TKTL1: variants seen among roughly 807,000 people sequenced by gnomAD.
TKTL1 encodes the protein transketolase like 1.
TKTL1 carries 1 observed loss-of-function variant against 39.3 expected under a neutral mutation model. That is an observed-to-expected ratio of 0.03 (90% CI 0.01 to 0.12). The LOEUF (loss-of-function observed/expected upper bound fraction) is 0.12, where lower values mean the gene tolerates loss of function less well. Among genes scored for constraint, TKTL1 ranks in the 10% least tolerant of loss-of-function variants. The pLI, the probability that TKTL1 is intolerant of heterozygous loss-of-function variation, is 1.00. For missense variants in TKTL1, 575 were observed against 509.6 expected, an observed-to-expected ratio of 1.13 and a Z score of -1.24; for synonymous variants, 262 against 193.8, an observed-to-expected ratio of 1.35 and a Z score of -2.92.
chrX:154,314,135 C>G (rs1267830459), intron 6 of TKTL1, among the ~76,000 whole-genome samples: 1 of 110,678 alleles, frequency 9.0e-6, no homozygotes, highest in Non-Finnish European at 1.9e-5. Flanking sequence ...CCCAAAGCAC[C>G]AGGCTCACCA....
chrX:154,308,800 C>T (rs1321863271), intron 2 of TKTL1, among the ~76,000 whole-genome samples: 1 of 109,807 alleles, frequency 9.1e-6, no homozygotes, highest in Non-Finnish European at 1.9e-5. Flanking sequence ...TCATTTCTAG[C>T]GTGGGCACTT....
Position 154,318,404 on chromosome X carries a change from A to G in TKTL1, c.1030-2353A>G, listed in dbSNP as rs782178828. Among the ~76,000 whole-genome samples the G allele has an allele frequency of 1.6e-4, 18 of 110,382 alleles. No homozygotes were observed. In the East Asian group the frequency reaches 4.8e-3, roughly 29 times the overall value. On this transcript the variant is annotated intron_variant, in intron 7 of 12. Transcript: ENST00000369915. ...GAAGCTGGAGGATTGCTGGAGTTCA[A>G]GAGTTCGAGACCAGGCCGGGTGCGG... is the stretch of plus-strand genomic sequence containing the variant.
In TKTL1 at chrX:154,311,253, T is replaced by C. The variant is rs781866803; in HGVS notation, c.670+15T>C. On this transcript the variant is annotated intron_variant, in intron 5 of 12. Transcript: ENST00000369915. Reference sequence around the variant, plus strand: ...GGGCACCCCAAGTAAGCAAGCACTTTCCTCCTGCTCCTGGTTGTTAAAAGC... The same window carrying C: ...GGGCACCCCAAGTAAGCAAGCACTTCCCTCCTGCTCCTGGTTGTTAAAAGC... 8.3e-7 allele frequency: 1 copy of C among 1,210,381 alleles called. No individual in the cohort carries two copies. The highest frequency in any genetic ancestry group is 2.2e-5 in the Admixed American group (1 of 46,006).
At chrX:154,323,024 G>A (rs1557171205) in intron 8 of TKTL1, among the ~76,000 whole-genome samples, 183 bp from the exon 9 acceptor site, 2 of 112,307 alleles carry the variant, frequency 1.8e-5, no homozygotes, top group Middle Eastern at 4.6e-3. Context: ...AAGGGAGACA[G>A]GCGTGCAAGA....
rs142851660 is a variant in TKTL1 at position 154,304,893 on chromosome X, C to T, written c.135-411C>T. On this transcript the variant is annotated intron_variant, in intron 1 of 12. Transcript: ENST00000369915. ...AGTTACTCTACCATGACAAATTTCT[C>T]AGTCTGTCACCGTTCACTTCCTAAA... The T allele has an allele frequency of 1.4e-3, 845 of 618,583 alleles. 8 individuals are homozygous for T. The African/African-American group carries it at 0.018, about 13-fold the overall frequency. 51.0% of individuals were successfully genotyped at this position (618,583 alleles called of 1,213,427 possible). A position where few individuals can be genotyped will look rare whatever the true frequency, so the allele number is the denominator to read the frequency against.
chrX:154,322,326 GT>G (rs781790785), intron 8 of TKTL1, among the ~76,000 whole-genome samples: 2 of 108,411 alleles, frequency 1.8e-5, no homozygotes, highest in Non-Finnish European at 3.8e-5. Flanking sequence ...GTGGTCAGGA[GT>G]TTGAGACCAG....
At chrX:154,326,407 A>G (rs1325611499) in intron 10 of TKTL1, among the ~76,000 whole-genome samples, 1 of 112,453 alleles carries the variant, frequency 8.9e-6, no homozygotes, top group African/African-American at 3.2e-5. Context: ...CTAGGCATAC[A>G]TGTATATTTT....
Position 154,327,220 on chromosome X carries a change from A to G in TKTL1, c.1402-371A>G, listed in dbSNP as rs782020480. ...GGTTGTGCCACTGAACAGATCTTAC[A>G]GGGAGGCTGTGAGGGTTCTCAGAGT... On this transcript the variant is annotated intron_variant, in intron 10 of 12. Coordinates refer to ENST00000369915, the MANE Select transcript of TKTL1 (RefSeq NM_012253.4). 6.7e-5 allele frequency: 23 copies of G among 341,759 alleles called. 1 individual carries two copies. Among genetic ancestry groups the G allele is most frequent in the South Asian group, 6.3e-4 (22 of 34,985 alleles). 28.2% of individuals were successfully genotyped at this position (341,759 alleles called of 1,213,427 possible).
At chrX:154,315,657 A>G (rs987482782) in intron 7 of TKTL1, among the ~76,000 whole-genome samples, 7 of 111,513 alleles carry the variant, frequency 6.3e-5, no homozygotes, top group Non-Finnish European at 1.9e-5. Flanking sequence ...CAGGCTCCCT[A>G]GTAGCTCCTT....
At position 154,329,862 on chromosome X, in the gene TKTL1, C is replaced by G. The variant is rs1445973330; in HGVS notation, c.*174C>G. On this transcript the variant is annotated 3_prime_UTR_variant, in exon 13 of 13. Transcript: ENST00000369915. ...TAACTACTTACCCTTTAAACTGTCA[C>G]TGCATATGCAAGTACCGCTCTAATT... is the stretch of plus-strand genomic sequence containing the variant. The G allele has an allele frequency of 3.3e-5, 16 of 482,321 alleles. No homozygotes were observed. Among genetic ancestry groups the G allele is most frequent in the African/African-American group, 4.8e-5 (2 of 41,411 alleles). 39.7% of individuals were successfully genotyped at this position (482,321 alleles called of 1,213,427 possible).
chrX:154,300,435 G>A (rs138153052), intron 1 of TKTL1, among the ~76,000 whole-genome samples: 1 of 112,294 alleles, frequency 8.9e-6, no homozygotes, highest in Admixed American at 9.4e-5. Flanking sequence ...TGTCATCTGT[G>A]ATGTCTTTCA....
At chrX:154,319,456 G>A (rs1557170146) in intron 7 of TKTL1, among the ~76,000 whole-genome samples, 1 of 111,915 alleles carries the variant, frequency 8.9e-6, no homozygotes, top group African/African-American at 3.3e-5. Flanking sequence ...GAGACAGTGG[G>A]AGACCCAGGG....
chrX:154,311,142 G>A lies in TKTL1; in HGVS notation c.574G>A (p.Val192Met), dbSNP rs1446527811. Residue 192 changes from valine to methionine, a missense_variant, in exon 5 of 13, where the codon GTG becomes ATG. By Grantham distance (21) the Val-to-Met change is conservative. Coordinates refer to ENST00000369915, the MANE Select transcript of TKTL1 (RefSeq NM_012253.4). Reference protein sequence around the residue: ...WNTYVVDGRDVEALCQVFWQA... With the variant: ...WNTYVVDGRDMEALCQVFWQA... ...CACTTATGTGGTGGACGGCCGGGAC[G>A]TGGAGGCACTGTGCCAGGTATTCTG... 4.1e-6 allele frequency: 5 copies of A among 1,210,540 alleles called. No homozygotes were observed. The highest frequency in any genetic ancestry group is 4.4e-5 in the Admixed American group (2 of 45,794).
intron 12 of TKTL1, among the ~76,000 whole-genome samples, 196 bp downstream of exon 12, chrX:154,328,154 C>G (rs781820334): frequency 2.7e-5 from 3 of 111,860 alleles, no homozygotes; most frequent in African/African-American, 9.7e-5. Context: ...TGCCCAGTCA[C>G]CAGGGCGGGT....
At chrX:154,299,437 G>A (rs1392384895) in intron 1 of TKTL1, among the ~76,000 whole-genome samples, 1 of 110,844 alleles carries the variant, frequency 9.0e-6, no homozygotes, top group African/African-American at 3.3e-5. Context: ...TTACAGGCAT[G>A]AGCCACCGCA....
chrX:154,319,437 T>C (rs782049154), intron 7 of TKTL1, among the ~76,000 whole-genome samples: 1 of 111,445 alleles, frequency 9.0e-6, no homozygotes, highest in Non-Finnish European at 1.9e-5. Flanking sequence ...TAGAAGGTGA[T>C]TGTTAAAAGA....
Position 154,295,971 on chromosome X carries a change from G to T in TKTL1, c.112G>T (p.Ala38Ser). The T allele has an allele frequency of 7.4e-6, 9 of 1,211,780 alleles. No homozygotes were observed. Among genetic ancestry groups the T allele is most frequent in the Non-Finnish European group, 1.0e-5 (9 of 895,399 alleles). The change falls in exon 1 of 13, where the codon GCC becomes TCC. Residue 38 changes from alanine to serine, a missense_variant. Transcript: ENST00000369915. ...CCGCTTGCGAATCCATTCCATCAGG[G>T]CCACATGCTCCACGAGCTCCGGGTA... ...ASRLRIHSIR[A>S]TCSTSSGHPT...
rs1557172952 is a variant in TKTL1 at position 154,330,196 on chromosome X, C to G, written c.*508C>G. On this transcript the variant is annotated 3_prime_UTR_variant, in exon 13 of 13. Coordinates refer to ENST00000369915, the MANE Select transcript of TKTL1 (RefSeq NM_012253.4). ...GTGCTGCCATCCCACCTGCAGCTGCCCTGGAATTCCCTTCGCTGTTTGCCT... is the reference window on the plus strand; with the variant it reads ...GTGCTGCCATCCCACCTGCAGCTGCGCTGGAATTCCCTTCGCTGTTTGCCT... 8.7e-6 allele frequency: 1 copy of G among 114,878 alleles called. No individual in the cohort carries two copies. Among genetic ancestry groups the G allele is most frequent in the African/African-American group, 3.2e-5 (1 of 30,854 alleles). 9.5% of individuals were successfully genotyped at this position (114,878 alleles called of 1,213,427 possible). A position where few individuals can be genotyped will look rare whatever the true frequency, so the allele number is the denominator to read the frequency against.
intron 3 of TKTL1, 62 bp from the exon 4 acceptor site, chrX:154,310,774 A>G: frequency 2.9e-6 from 3 of 1,022,495 alleles, no homozygotes; most frequent in Admixed American, 2.6e-5. Flanking sequence ...CCTGAAATGC[A>G]TTTGTTTGGT....
Sources: allele counts gnomAD v4.1 joint callset (sites outside exome capture counted in the v4.1 genomes callset), GRCh38; gene constraint gnomAD v4.1.1; transcripts MANE v1.5; gene names NCBI Gene and HGNC (gene_info 2026-07-23, HGNC 2026-07-21).